Variants in SYBU observed in about 807,000 individuals in gnomAD.
The protein encoded by SYBU is syntabulin, also known as GOLSYN A protein.
A neutral mutation model predicts 35.9 loss-of-function variants in SYBU; 21 were observed. The ratio of observed to expected loss-of-function variants is 0.58; its 90% CI spans 0.41 to 0.84. SYBU has a LOEUF of 0.84. Ranked by LOEUF, SYBU falls within the 40% of genes least tolerant of loss-of-function variation. The pLI is 0.00. For missense variants in SYBU, 768 were observed against 848.2 expected, an observed-to-expected ratio of 0.91 and a Z score of 1.17; for synonymous variants, 319 against 324.3, an observed-to-expected ratio of 0.98 and a Z score of 0.18.
rs756842526 is a variant in SYBU at position 109,617,846 on chromosome 8, A to T, written c.427+996T>A. 2.0e-4 allele frequency among the ~76,000 whole-genome samples: 31 copies of T among 152,242 alleles called. 1 individual carries two copies. Among genetic ancestry groups the T allele is most frequent in the Admixed American group, 3.3e-4 (5 of 15,288 alleles). ...AATGACCTAATCTTTGGTTGACAAG[A>T]GCAAGATGAAGAATAATCCATTATG... On this transcript the variant is annotated intron_variant, in intron 3 of 6. Transcript: ENST00000276646.
At chr8:109,591,558 T>C (rs867592981) in intron 3 of SYBU, among the ~76,000 whole-genome samples, 26 of 127,102 alleles carry the variant, frequency 2.0e-4, no homozygotes, top group Admixed American at 1.9e-4. Flanking sequence ...GTGGCCCAGG[T>C]GGGAGTGCAG....
chr8:109,631,291 C>T (rs1399446466), intron 2 of SYBU, among the ~76,000 whole-genome samples: 1 of 152,104 alleles, frequency 6.6e-6, no homozygotes, highest in Non-Finnish European at 1.5e-5. Flanking sequence ...AAATGAACAC[C>T]TCACACTAAG....
chr8:109,676,063 G>T, intron 1 of SYBU, among the ~76,000 whole-genome samples: 1 of 152,218 alleles, frequency 6.6e-6, no homozygotes, highest in Non-Finnish European at 1.5e-5. Context: ...AACAGATGCA[G>T]AAAAGGCCTT....
intron 6 of SYBU, among the ~76,000 whole-genome samples, chr8:109,577,604 AC>A (rs1211307908): frequency 6.6e-6 from 1 of 152,164 alleles, no homozygotes; most frequent in East Asian, 1.9e-4. Flanking sequence ...AGCTGTATAC[AC>A]TGCAAAACAA....
intron 2 of SYBU, among the ~76,000 whole-genome samples, chr8:109,624,173 CTG>C: frequency 6.6e-6 from 1 of 152,046 alleles, no homozygotes; most frequent in Non-Finnish European, 1.5e-5. Context: ...ATAAAAAAAA[CTG>C]AGTTCATGGT....
intron 2 of SYBU, among the ~76,000 whole-genome samples, chr8:109,640,841 A>T (rs1451244292): frequency 1.4e-5 from 2 of 147,686 alleles, no homozygotes; most frequent in African/African-American, 5.0e-5. Flanking sequence ...AAAAAAAAGT[A>T]GGCAGTGCAG....
chr8:109,612,580 A>G (rs558471365), intron 3 of SYBU, among the ~76,000 whole-genome samples: 3 of 152,224 alleles, frequency 2.0e-5, no homozygotes, highest in Non-Finnish European at 4.4e-5. Context: ...CTTCATATAC[A>G]TTGTGTTTTC....
chr8:109,602,835 T>C (rs967588154), intron 3 of SYBU, among the ~76,000 whole-genome samples: 2 of 151,972 alleles, frequency 1.3e-5, no homozygotes, highest in African/African-American at 4.8e-5. Flanking sequence ...CAAAAGCAAA[T>C]GGAGAAATGG....
At chr8:109,671,600 T>G (rs1816984295) in intron 1 of SYBU, among the ~76,000 whole-genome samples, 1 of 152,220 alleles carries the variant, frequency 6.6e-6, no homozygotes, top group Admixed American at 6.5e-5. Flanking sequence ...GCATTTGAAA[T>G]GTTTCAAACT....
chr8:109,586,190 G>A lies in SYBU; in HGVS notation c.428-28C>T, dbSNP rs73702895. The A allele has an allele frequency of 6.2e-3, 9,474 of 1,523,458 alleles. 335 individuals are homozygous for A. The African/African-American group carries it at 0.094, about 15-fold the overall frequency. The allele number at this position is 1,523,458 out of a possible 1,614,324, so 94.4% of individuals were successfully genotyped here. A position where few individuals can be genotyped will look rare whatever the true frequency, so the allele number is the denominator to read the frequency against. ...GAAAAACAACAGGGGAGAGAGAAGC[G>A]TGAGGGAAAGGAAACTAGAGAACAC... On this transcript the variant is annotated intron_variant, in intron 3 of 6. Coordinates refer to ENST00000276646, the MANE Select transcript of SYBU (RefSeq NM_001099754.2).
chr8:109,609,774 T>C (rs1810963225), intron 3 of SYBU, among the ~76,000 whole-genome samples: 1 of 152,078 alleles, frequency 6.6e-6, no homozygotes, highest in South Asian at 2.1e-4. Flanking sequence ...TCTAAAATAA[T>C]AAATAATTAA....
chr8:109,689,947 T>C (rs1298852200), intron 1 of SYBU, among the ~76,000 whole-genome samples: 3 of 151,226 alleles, frequency 2.0e-5, no homozygotes, highest in Admixed American at 2.0e-4. Context: ...TCTGTAAAAA[T>C]AAAGTTTTGG....
In SYBU at chr8:109,575,583, T is replaced by C. The variant is rs369592030; in HGVS notation, c.1315A>G (p.Thr439Ala). Reference sequence around the variant, plus strand: ...GTCACTATCTCATCGAACAAATCTGTGCTGTTGGCTATGCTATCTCCTACC... The same window carrying C: ...GTCACTATCTCATCGAACAAATCTGCGCTGTTGGCTATGCTATCTCCTACC... ...LLVGDSIANSTDLFDEIVTAT... is the reference protein window; with the variant it reads ...LLVGDSIANSADLFDEIVTAT... Residue 439 changes from threonine to alanine, a missense_variant, in exon 7 of 7, where the codon ACA (threonine) becomes GCA (alanine). Physicochemically the swap from Thr to Ala is moderately conservative, Grantham distance 58 (BLOSUM62 0). Coordinates refer to ENST00000276646, the MANE Select transcript of SYBU (RefSeq NM_001099754.2). The C allele has an allele frequency of 5.0e-6, 8 of 1,614,006 alleles. No homozygotes were observed. In the African/African-American group the frequency reaches 1.1e-4, roughly 22 times the overall value.
upstream of SYBU, chr8:109,645,632 T>A (rs1815597482): frequency 3.6e-6 from 1 of 279,312 alleles, no homozygotes; most frequent in Non-Finnish European, 7.0e-6. Flanking sequence ...TTTCGTTTTT[T>A]GTTTTTTTTT....
Position 109,574,722 on chromosome 8 carries a change from C to G in SYBU, c.*184G>C, listed in dbSNP as rs1209112556. On this transcript the variant is annotated 3_prime_UTR_variant, in exon 7 of 7. Transcript: ENST00000276646. ...GGTGGGACATTTACTGGAACCAGGTCTCCATGCCTTTGAAGATACCTCCGG... is the reference window on the plus strand; with the variant it reads ...GGTGGGACATTTACTGGAACCAGGTGTCCATGCCTTTGAAGATACCTCCGG... 4 of 545,438 alleles carry G rather than the reference C, an allele frequency of 7.3e-6. No individual in the cohort carries two copies. Among genetic ancestry groups the G allele is most frequent in the Non-Finnish European group, 5.9e-6 (2 of 336,776 alleles). The allele number at this position is 545,438 out of a possible 1,614,324, so 33.8% of individuals were successfully genotyped here. A position where few individuals can be genotyped will look rare whatever the true frequency, so the allele number is the denominator to read the frequency against.
chr8:109,622,272 C>T (rs1812509619), intron 2 of SYBU, among the ~76,000 whole-genome samples: 1 of 151,900 alleles, frequency 6.6e-6, no homozygotes, highest in Non-Finnish European at 1.5e-5. Context: ...CGCTCTGTCG[C>T]CTAGGCTGCA....
intron 3 of SYBU, among the ~76,000 whole-genome samples, chr8:109,611,686 G>A (rs921304822): frequency 5.9e-5 from 9 of 152,176 alleles, no homozygotes; most frequent in African/African-American, 2.2e-4. Flanking sequence ...GATATGCAGG[G>A]TAGCACATAA....
At position 109,575,256 on chromosome 8, in the gene SYBU, G is replaced by C. The variant is rs770746069; in HGVS notation, c.1642C>G (p.Pro548Ala). 1 of 1,614,206 alleles carries C rather than the reference G, an allele frequency of 6.2e-7. No homozygotes were observed. The highest frequency in any genetic ancestry group is 8.5e-7 in the Non-Finnish European group (1 of 1,180,038). ...GGAGACAAAAGGATGGCTGAGTTTG[G>C]ATTTCTTGGAGTTAAATCAACCACT... ...ALVVDLTPRN[P>A]NSAILLSPVE... is the part of the protein sequence containing the mutation. Residue 548 changes from proline (P) to alanine (A), a missense_variant, in exon 7 of 7, where the codon CCA (proline) becomes GCA (alanine). By Grantham distance (27) the Pro-to-Ala change is conservative. Transcript: ENST00000276646.
chr8:109,681,945 C>T (rs1388995023), upstream of SYBU, among the ~76,000 whole-genome samples: 1 of 151,988 alleles, frequency 6.6e-6, no homozygotes, highest in Admixed American at 6.6e-5. Context: ...CCCCTTTTTG[C>T]TTGGCACTTC....
Sources: allele counts gnomAD v4.1 joint callset (sites outside exome capture counted in the v4.1 genomes callset), GRCh38; gene constraint gnomAD v4.1.1; transcripts MANE v1.5; gene names NCBI Gene and HGNC (gene_info 2026-07-23, HGNC 2026-07-21).